The following SH3GL2 variants were observed in gnomAD, a reference collection of about 807,000 sequenced individuals.
SH3GL2 encodes the protein SH3 domain containing GRB2 like 2, endophilin A1.
A neutral mutation model predicts 46.0 loss-of-function variants in SH3GL2; 24 were observed. That is an observed-to-expected ratio of 0.52 (90% CI 0.38 to 0.73). The LOEUF is 0.73. Ranked by LOEUF, SH3GL2 falls within the 30% of genes least tolerant of loss-of-function variation. The pLI is 0.00. For missense variants in SH3GL2, 413 were observed against 424.2 expected, an observed-to-expected ratio of 0.97 and a Z score of 0.23; for synonymous variants, 196 against 147.1, an observed-to-expected ratio of 1.33 and a Z score of -2.40.
At chr9:17,632,917 C>G (rs1819464593) in intron 1 of SH3GL2, among the ~76,000 whole-genome samples, 1 of 152,178 alleles carries the variant, frequency 6.6e-6, no homozygotes, top group Admixed American at 6.5e-5. Context: ...TTACTTGATA[C>G]TTATTGCTGA....
chr9:17,769,634 C>T (rs1823415190), intron 3 of SH3GL2, among the ~76,000 whole-genome samples: 1 of 152,146 alleles, frequency 6.6e-6, no homozygotes, highest in Non-Finnish European at 1.5e-5. Context: ...TCTCCCTGTA[C>T]AGTCCTTTCC....
intron 1 of SH3GL2, among the ~76,000 whole-genome samples, chr9:17,699,104 G>A (rs1309343388): frequency 2.1e-5 from 3 of 142,954 alleles, no homozygotes; most frequent in African/African-American, 5.2e-5. Flanking sequence ...GCAGTGAGCC[G>A]AGATCATGCC....
At chr9:17,756,311 C>A (rs1001223062) in intron 2 of SH3GL2, among the ~76,000 whole-genome samples, 1 of 151,684 alleles carries the variant, frequency 6.6e-6, no homozygotes, top group South Asian at 2.1e-4. Context: ...GTTTCACTTT[C>A]TTTTTTTTAT....
At chr9:17,783,056 G>A (rs1214737826) in intron 3 of SH3GL2, among the ~76,000 whole-genome samples, 1 of 152,142 alleles carries the variant, frequency 6.6e-6, no homozygotes, top group Non-Finnish European at 1.5e-5. Flanking sequence ...AGACAGGGGA[G>A]CCTGGAAGGA....
chr9:17,661,033 G>C (rs951887666), intron 1 of SH3GL2, among the ~76,000 whole-genome samples: 1 of 151,994 alleles, frequency 6.6e-6, no homozygotes, highest in Non-Finnish European at 1.5e-5. Context: ...ACGATGGCAG[G>C]CACCTGTAAT....
chr9:17,624,854 G>C (rs1161264612), intron 1 of SH3GL2, among the ~76,000 whole-genome samples: 1 of 152,208 alleles, frequency 6.6e-6, no homozygotes, highest in African/African-American at 2.4e-5. Context: ...TGTGTGAAGT[G>C]TTAGGCCCAG....
intron 1 of SH3GL2, among the ~76,000 whole-genome samples, chr9:17,742,017 A>G (rs1221741954): frequency 2.0e-5 from 3 of 152,188 alleles, no homozygotes; most frequent in African/African-American, 7.2e-5. Flanking sequence ...CATTTGGTGG[A>G]TGGTAAGGAA....
intron 1 of SH3GL2, among the ~76,000 whole-genome samples, chr9:17,607,943 C>G (rs1401935139): frequency 6.6e-6 from 1 of 152,070 alleles, no homozygotes; most frequent in East Asian, 1.9e-4. Context: ...AATACTTGTG[C>G]TTGGTGCTAG....
chr9:17,795,528 C>T lies in SH3GL2; in HGVS notation c.860-16C>T, dbSNP rs1195810214. The stretch of plus-strand genomic sequence containing the variant: ...TCCTTTTGTGTTCTTCTCTTCTCTC[C>T]TGCTCTTACTCCCAGGTGTCCAAAT... On this transcript the variant is annotated splice_polypyrimidine_tract_variant and intron_variant, in intron 8 of 8. Transcript: ENST00000380607. The T allele has an allele frequency of 6.2e-7, 1 of 1,608,234 alleles. No homozygotes were observed. Among genetic ancestry groups the T allele is most frequent in the Non-Finnish European group, 8.5e-7 (1 of 1,174,978 alleles).
At position 17,646,234 on chromosome 9, in the gene SH3GL2, T is replaced by G. The variant is rs947312881; in HGVS notation, c.45+66947T>G. On this transcript the variant is annotated intron_variant, in intron 1 of 8. Coordinates refer to ENST00000380607, the MANE Select transcript of SH3GL2 (RefSeq NM_003026.5). ...TTTTTCCGCTCCATCAGGTCATTTA[T>G]GTTCTTCTCTAAACTGATTATTCTA... Among the ~76,000 whole-genome samples the G allele has an allele frequency of 7.9e-5, 12 of 151,988 alleles. 1 individual carries two copies. Among genetic ancestry groups the G allele is most frequent in the Non-Finnish European group, 1.8e-4 (12 of 67,994 alleles).
At chr9:17,794,427 T>G (rs1824223826) in intron 8 of SH3GL2, among the ~76,000 whole-genome samples, 1 of 152,196 alleles carries the variant, frequency 6.6e-6, no homozygotes, top group Non-Finnish European at 1.5e-5. Context: ...CTCTGTCCTT[T>G]GCGCTCAGCA....
chr9:17,759,038 C>G (rs997712481), intron 2 of SH3GL2, among the ~76,000 whole-genome samples: 2 of 152,068 alleles, frequency 1.3e-5, no homozygotes, highest in African/African-American at 4.8e-5. Context: ...TCTGTTTACA[C>G]TACATGAGTG....
At chr9:17,791,633 C>A (rs896300366) in intron 7 of SH3GL2, among the ~76,000 whole-genome samples, 2 of 152,132 alleles carry the variant, frequency 1.3e-5, no homozygotes, top group Non-Finnish European at 2.9e-5. Flanking sequence ...AGCAGTTATT[C>A]CATGTGGGTA....
intron 1 of SH3GL2, among the ~76,000 whole-genome samples, chr9:17,739,239 C>T (rs1326591264): frequency 6.6e-6 from 1 of 152,042 alleles, no homozygotes; most frequent in East Asian, 1.9e-4. Context: ...AGTCATCAGG[C>T]ATTAGGTTCT....
chr9:17,703,350 T>C (rs1174326851), intron 1 of SH3GL2, among the ~76,000 whole-genome samples: 1 of 152,090 alleles, frequency 6.6e-6, no homozygotes, highest in Admixed American at 6.6e-5. Context: ...TTTGATGTAA[T>C]AATCACAAGT....
intron 1 of SH3GL2, among the ~76,000 whole-genome samples, chr9:17,719,533 C>G (rs1317951542): frequency 6.6e-6 from 1 of 152,068 alleles, no homozygotes; most frequent in African/African-American, 2.4e-5. Flanking sequence ...TGCCTGTAAT[C>G]CCAACACTTT....
chr9:17,579,299 G>T lies in SH3GL2; in HGVS notation c.45+12G>T, dbSNP rs957330148. 3.2e-6 allele frequency: 5 copies of T among 1,554,930 alleles called. No homozygotes were observed. Among genetic ancestry groups the T allele is most frequent in the Admixed American group, 3.7e-5 (2 of 54,578 alleles). On this transcript the variant is annotated intron_variant, in intron 1 of 8. Coordinates refer to ENST00000380607, the MANE Select transcript of SH3GL2 (RefSeq NM_003026.5). Reference sequence around the variant, plus strand: ...ATAAAGCCACTCAGGTAAGGCGCGCGGCAGGTGCGTCCCGGGGCAGTCCGG... The same window carrying T: ...ATAAAGCCACTCAGGTAAGGCGCGCTGCAGGTGCGTCCCGGGGCAGTCCGG...
At chr9:17,697,747 A>G (rs1821244234) in intron 1 of SH3GL2, among the ~76,000 whole-genome samples, 1 of 152,236 alleles carries the variant, frequency 6.6e-6, no homozygotes, top group South Asian at 2.1e-4. Context: ...GCACCAAGGA[A>G]TATTTAAACT....
At chr9:17,729,421 C>T (rs1822113423) in intron 1 of SH3GL2, among the ~76,000 whole-genome samples, 1 of 152,126 alleles carries the variant, frequency 6.6e-6, no homozygotes, top group East Asian at 1.9e-4. Flanking sequence ...GTTGCCTGTT[C>T]ATTCTGATAG....
Sources: gnomAD v4.1 joint callset for allele counts (sites outside exome capture counted in the v4.1 genomes callset) on GRCh38, gnomAD v4.1.1 for gene constraint, MANE v1.5 for transcripts, NCBI Gene and HGNC (gene_info 2026-07-23, HGNC 2026-07-21) for gene names.